SRRM3: variants seen among roughly 807,000 people sequenced by gnomAD.
The protein encoded by SRRM3 is serine/arginine repetitive matrix 3.
Under a neutral mutation model 66.2 loss-of-function variants are expected in SRRM3, and 27 were observed. The ratio of observed to expected loss-of-function variants is 0.41; its 90% CI spans 0.30 to 0.56. The LOEUF is 0.56. Ranked by LOEUF, SRRM3 falls within the 20% of genes least tolerant of loss-of-function variation. SRRM3 has a pLI of 0.32. For missense variants in SRRM3, 918 were observed against 991.9 expected (o/e 0.93, Z 1.00); for synonymous variants, 391 against 414.9 (o/e 0.94, Z 0.70).
chr7:76,247,551 G>C (rs1801472547), intron 2 of SRRM3, among the ~76,000 whole-genome samples: 1 of 152,148 alleles, frequency 6.6e-6, no homozygotes, highest in African/African-American at 2.4e-5. Flanking sequence ...GGCCTGCCCT[G>C]GTGGGTGGAG....
intron 2 of SRRM3, among the ~76,000 whole-genome samples, chr7:76,242,884 A>T (rs6949641): frequency 0.079 from 12,015 of 152,150 alleles, 1,134 homozygotes; most frequent in African/African-American, 0.22. Context: ...ATACAGGTGA[A>T]GCTTTGCCCC....
intron 1 of SRRM3, among the ~76,000 whole-genome samples, chr7:76,220,535 C>T (rs1343646312): frequency 1.3e-5 from 2 of 152,174 alleles, no homozygotes; most frequent in African/African-American, 2.4e-5. Flanking sequence ...GCCTCACCGG[C>T]CCCGGACACC....
chr7:76,223,258 C>G (rs782819970), intron 1 of SRRM3, among the ~76,000 whole-genome samples: 5 of 152,200 alleles, frequency 3.3e-5, no homozygotes, highest in Non-Finnish European at 5.9e-5. Flanking sequence ...TCTTGGTCCT[C>G]TGGTCCTTAC....
chr7:76,206,345 T>C (rs924268268), intron 1 of SRRM3, among the ~76,000 whole-genome samples: 5 of 146,974 alleles, frequency 3.4e-5, no homozygotes, highest in Non-Finnish European at 7.5e-5. Context: ...TGAGGGAGAG[T>C]GGGTTCAGAG....
At chr7:76,260,315 T>TC (rs1801824679) in intron 5 of SRRM3, 118 bp downstream of exon 5, 1 of 628,480 alleles carries the variant, frequency 1.6e-6, no homozygotes. Flanking sequence ...TCTGAGCCCC[T>TC]CCCTCGCCCT....
At chr7:76,243,022 C>G (rs1583900904) in intron 2 of SRRM3, among the ~76,000 whole-genome samples, 1 of 152,116 alleles carries the variant, frequency 6.6e-6, no homozygotes, top group South Asian at 2.1e-4. Flanking sequence ...GGGAGGGCAC[C>G]AAGCCATTCT....
intron 1 of SRRM3, among the ~76,000 whole-genome samples, chr7:76,212,458 G>T (rs1368343603): frequency 1.4e-5 from 2 of 144,244 alleles, no homozygotes; most frequent in African/African-American, 2.6e-5. Context: ...CACCCAGCAA[G>T]GTCTGCTTTT....
chr7:76,217,774 A>G (rs1198188397), intron 1 of SRRM3, among the ~76,000 whole-genome samples: 1 of 152,126 alleles, frequency 6.6e-6, no homozygotes, highest in East Asian at 1.9e-4. Context: ...CCCTTGTTCC[A>G]GCAGAATGTG....
intron 8 of SRRM3, among the ~76,000 whole-genome samples, chr7:76,262,516 G>GAAAAAAAAAAAAA (rs782055282): frequency 2.2e-5 from 2 of 92,760 alleles, no homozygotes; most frequent in African/African-American, 4.0e-5. Context: ...CTCTGTCTCA[G>GAAAAAAAAAAAAA]AAAAAAAAAA....
At chr7:76,263,865 T>A in intron 8 of SRRM3, among the ~76,000 whole-genome samples, 1 of 106,586 alleles carries the variant, frequency 9.4e-6, no homozygotes, top group Admixed American at 1.3e-4. Context: ...AGAGCGGGAC[T>A]CTGTCTCAAG....
intron 3 of SRRM3, among the ~76,000 whole-genome samples, chr7:76,250,889 C>G (rs782210366): frequency 6.6e-6 from 1 of 152,202 alleles, no homozygotes; most frequent in Non-Finnish European, 1.5e-5. Flanking sequence ...CTGGATTCAT[C>G]TCTGTTTCTA....
At position 76,255,641 on chromosome 7, in the gene SRRM3, C is replaced by T. The variant is rs1406389899; in HGVS notation, c.336-4265C>T. On this transcript the variant is annotated intron_variant, in intron 3 of 14. Coordinates refer to ENST00000611745, the MANE Select transcript of SRRM3 (RefSeq NM_001110199.3). ...TTTATTTTTGTAAAGACAGGAGTCT[C>T]ACTATGTTGAGACCTATGCTGGTCT... Among the ~76,000 whole-genome samples, 4 of 152,176 alleles carry T rather than the reference C, an allele frequency of 2.6e-5. No homozygotes were observed. In the South Asian group the frequency reaches 6.2e-4, roughly 24 times the overall value.
At chr7:76,258,380 CG>C (rs1364405535) in intron 3 of SRRM3, among the ~76,000 whole-genome samples, 2 of 151,990 alleles carry the variant, frequency 1.3e-5, no homozygotes, top group Non-Finnish European at 2.9e-5. Flanking sequence ...AGCCAGGGCT[CG>C]GGGAGGGCGG....
At chr7:76,246,895 A>G (rs1320606795) in intron 2 of SRRM3, among the ~76,000 whole-genome samples, 3 of 152,202 alleles carry the variant, frequency 2.0e-5, no homozygotes, top group East Asian at 3.8e-4. Flanking sequence ...TCCCAGCTCT[A>G]TGAGGTTGGG....
rs527778424 is a variant in SRRM3 at position 76,265,387 on chromosome 7, G to A, written c.749G>A (p.Arg250Gln). The part of the protein sequence containing the change: ...KKRPHTESPG[R>Q]RSHRHSSGSS... Reference sequence around the variant, plus strand: ...AGGCCTCACACAGAGTCCCCAGGCCGGAGGTCTCATCGCCATAGCAGTGGC... The same window carrying A: ...AGGCCTCACACAGAGTCCCCAGGCCAGAGGTCTCATCGCCATAGCAGTGGC... Residue 250 changes from arginine to glutamine, a missense_variant, in exon 10 of 15, where the codon CGG (arginine) becomes CAG (glutamine). By Grantham distance (43) the Arg-to-Gln change is conservative. Coordinates refer to ENST00000611745, the MANE Select transcript of SRRM3 (RefSeq NM_001110199.3). 22 of 1,602,210 alleles carry A rather than the reference G, an allele frequency of 1.4e-5. No homozygotes were observed. In the African/African-American group the frequency reaches 2.3e-4, roughly 17 times the overall value.
intron 2 of SRRM3, among the ~76,000 whole-genome samples, chr7:76,237,940 T>C (rs1211279572): frequency 1.3e-5 from 2 of 151,862 alleles, no homozygotes; most frequent in African/African-American, 4.8e-5. Flanking sequence ...GCATCAAGGA[T>C]CCTTGCTTCC....
chr7:76,208,505 CAA>C (rs112442379), intron 1 of SRRM3, among the ~76,000 whole-genome samples: 7 of 133,612 alleles, frequency 5.2e-5, no homozygotes, highest in African/African-American at 8.2e-5. Context: ...CCTATCTCTA[CAA>C]AAAAAAAAAG....
chr7:76,215,558 C>T (rs1042447854), intron 1 of SRRM3, among the ~76,000 whole-genome samples: 8 of 151,056 alleles, frequency 5.3e-5, no homozygotes, highest in Non-Finnish European at 1.0e-4. Context: ...TGCACTACTA[C>T]ACTGGCTAAT....
intron 11 of SRRM3, among the ~76,000 whole-genome samples, chr7:76,279,328 G>A (rs1168163794): frequency 1.3e-5 from 2 of 151,922 alleles, no homozygotes; most frequent in Non-Finnish European, 2.9e-5. Flanking sequence ...TCTAGGACTC[G>A]CTTCCTTCCT....
Sources: gnomAD v4.1 joint callset for allele counts (sites outside exome capture counted in the v4.1 genomes callset) on GRCh38, gnomAD v4.1.1 for gene constraint, MANE v1.5 for transcripts, NCBI Gene and HGNC (gene_info 2026-07-23, HGNC 2026-07-21) for gene names.